PRKCE: variants seen among roughly 807,000 people sequenced by gnomAD.
The protein encoded by PRKCE is protein kinase C epsilon type.
Under a neutral mutation model 85.4 loss-of-function variants are expected in PRKCE, and 16 were observed. That is an observed-to-expected ratio of 0.19 (90% CI 0.13 to 0.28). The LOEUF (loss-of-function observed/expected upper bound fraction) is 0.28, where lower values mean the gene tolerates loss of function less well. Among genes scored for constraint, PRKCE ranks in the 10% least tolerant of loss-of-function variants. The pLI, the probability that PRKCE is intolerant of heterozygous loss-of-function variation, is 1.00. For synonymous variants in PRKCE, 388 were observed against 371.5 expected (o/e 1.04, Z -0.51); for missense variants, 573 against 975.2 (o/e 0.59, Z 5.49).
At chr2:46,105,859 A>C (rs1671665296) in intron 11 of PRKCE, among the ~76,000 whole-genome samples, 1 of 152,256 alleles carries the variant, frequency 6.6e-6, no homozygotes, top group African/African-American at 2.4e-5. Context: ...ATGACTACAT[A>C]CTGCATCATT....
At chr2:46,022,835 G>A (rs1348689642) in intron 10 of PRKCE, among the ~76,000 whole-genome samples, 1 of 152,158 alleles carries the variant, frequency 6.6e-6, no homozygotes, top group Non-Finnish European at 1.5e-5. Context: ...TGTAATCCCA[G>A]CACTTTGGGA....
intron 11 of PRKCE, among the ~76,000 whole-genome samples, chr2:46,109,750 G>A (rs568974078): frequency 6.6e-6 from 1 of 152,026 alleles, no homozygotes; most frequent in Non-Finnish European, 1.5e-5. Context: ...GAATAGGAAT[G>A]GGGGGAGAGG....
At chr2:45,831,518 A>G (rs1486231297) in intron 1 of PRKCE, among the ~76,000 whole-genome samples, 1 of 148,848 alleles carries the variant, frequency 6.7e-6, no homozygotes, top group East Asian at 1.9e-4. Context: ...AGAAATTGGC[A>G]TTTTAGGTGT....
At position 45,652,132 on chromosome 2, in the gene PRKCE, A is replaced by C; in HGVS notation, c.32A>C (p.Lys11Thr). The C allele has an allele frequency of 6.3e-7, 1 of 1,593,542 alleles. No individual in the cohort carries two copies. The highest frequency in any genetic ancestry group is 2.2e-5 in the East Asian group (1 of 44,712). The change falls in exon 1 of 15, where the codon AAA becomes ACA. Residue 11 changes from lysine (K) to threonine (T), a missense_variant. Coordinates refer to ENST00000306156, the MANE Select transcript of PRKCE (RefSeq NM_005400.3). The surrounding 1 kb of genome is among the most constrained non-coding windows in gnomAD (Gnocchi z 7.7). ...GTGTTCAATGGCCTTCTTAAGATCA[A>C]AATCTGCGAGGCCGTGAGCTTGAAG... Reference protein sequence around the residue: MVVFNGLLKIKICEAVSLKPT... With the variant: MVVFNGLLKITICEAVSLKPT...
chr2:46,131,380 G>A (rs1212938044), intron 11 of PRKCE, among the ~76,000 whole-genome samples: 1 of 151,942 alleles, frequency 6.6e-6, no homozygotes, highest in East Asian at 1.9e-4. Flanking sequence ...AAGTTCCCTG[G>A]GGGAAGTTAC....
intron 6 of PRKCE, among the ~76,000 whole-genome samples, chr2:45,997,965 A>G (rs1704355453): frequency 6.6e-6 from 1 of 152,190 alleles, no homozygotes; most frequent in South Asian, 2.1e-4. Context: ...TTTTTGAGCT[A>G]TCTTTCTCTT....
At chr2:46,081,293 G>C (rs1669051896) in intron 10 of PRKCE, among the ~76,000 whole-genome samples, 1 of 152,156 alleles carries the variant, frequency 6.6e-6, no homozygotes, top group African/African-American at 2.4e-5. Flanking sequence ...TAAATATTTA[G>C]ATCACTCTTT....
intron 1 of PRKCE, among the ~76,000 whole-genome samples, chr2:45,713,382 C>A (rs140818834): frequency 2.4e-4 from 36 of 152,160 alleles, no homozygotes; most frequent in African/African-American, 8.4e-4. Context: ...TAATGGATAG[C>A]TGTAAAGACT....
chr2:46,139,670 A>G lies in PRKCE; in HGVS notation c.1593-5423A>G, dbSNP rs942939961. On this transcript the variant is annotated intron_variant, in intron 11 of 14. Coordinates refer to ENST00000306156, the MANE Select transcript of PRKCE (RefSeq NM_005400.3). The surrounding 1 kb of genome is among the most constrained non-coding windows in gnomAD (Gnocchi z 5.2). The stretch of plus-strand genomic sequence containing the variant: ...ATATACAGAATATATAGAGGAACAT[A>G]TATATATATATGCGTATATATATGT... Among the ~76,000 whole-genome samples the G allele has an allele frequency of 2.0e-5, 3 of 149,028 alleles. No individual in the cohort carries two copies. Among genetic ancestry groups the G allele is most frequent in the Non-Finnish European group, 4.4e-5 (3 of 67,746 alleles).
chr2:45,889,193 G>C (rs1362856676), intron 2 of PRKCE, among the ~76,000 whole-genome samples: 1 of 152,164 alleles, frequency 6.6e-6, no homozygotes, highest in African/African-American at 2.4e-5. Context: ...GTTGGGGGAG[G>C]GAAACACGCT....
chr2:45,939,000 C>T (rs927893623), intron 2 of PRKCE, among the ~76,000 whole-genome samples: 75 of 152,298 alleles, frequency 4.9e-4, no homozygotes, highest in African/African-American at 1.8e-3. Flanking sequence ...GCTAATTCCA[C>T]GCTGGCTCTG....
intron 1 of PRKCE, among the ~76,000 whole-genome samples, chr2:45,666,077 T>C (rs1158500217): frequency 6.6e-6 from 1 of 152,074 alleles, no homozygotes; most frequent in Non-Finnish European, 1.5e-5. Context: ...CGCTTCCTTC[T>C]CCTCCCCTGA....
At chr2:46,013,971 A>G (rs950861016) in intron 10 of PRKCE, among the ~76,000 whole-genome samples, 2 of 152,224 alleles carry the variant, frequency 1.3e-5, no homozygotes, top group Non-Finnish European at 2.9e-5. Context: ...TCATGATGAC[A>G]TAGTCAGGTT....
intron 2 of PRKCE, among the ~76,000 whole-genome samples, chr2:45,927,791 A>G (rs974729040): frequency 2.6e-5 from 4 of 151,808 alleles, no homozygotes; most frequent in African/African-American, 9.7e-5. Flanking sequence ...GTGTGCTGAG[A>G]AAAAAAAATA....
chr2:45,708,627 T>A (rs564299966), intron 1 of PRKCE, among the ~76,000 whole-genome samples: 257 of 152,324 alleles, frequency 1.7e-3, no homozygotes, highest in Admixed American at 4.3e-3. Flanking sequence ...TTAAACCTCT[T>A]TCTTTTGTTA....
chr2:46,057,126 C>G (rs1666659654), intron 10 of PRKCE, among the ~76,000 whole-genome samples: 1 of 152,148 alleles, frequency 6.6e-6, no homozygotes, highest in African/African-American at 2.4e-5. Context: ...GCATGGTGGC[C>G]TCAGGGCAGT....
intron 10 of PRKCE, among the ~76,000 whole-genome samples, chr2:46,071,298 G>T (rs539166433): frequency 6.6e-5 from 10 of 152,334 alleles, no homozygotes; most frequent in African/African-American, 2.4e-4. Flanking sequence ...TTTGAAATTT[G>T]TTTATCATGG....
intron 11 of PRKCE, among the ~76,000 whole-genome samples, chr2:46,140,163 A>G (rs1313636491): frequency 6.6e-6 from 1 of 152,228 alleles, no homozygotes; most frequent in Non-Finnish European, 1.5e-5. Flanking sequence ...TATTCACAAT[A>G]AAGACATCAC....
At chr2:45,977,321 C>G (rs1227028947) in intron 3 of PRKCE, among the ~76,000 whole-genome samples, 1 of 151,964 alleles carries the variant, frequency 6.6e-6, no homozygotes, top group Non-Finnish European at 1.5e-5. Flanking sequence ...TATCTGATGC[C>G]TAGGATTTGT....
Sources: allele counts gnomAD v4.1 joint callset (sites outside exome capture counted in the v4.1 genomes callset), GRCh38; gene constraint gnomAD v4.1.1; non-coding constraint Gnocchi (gnomAD v3.1); transcripts MANE v1.5; gene names NCBI Gene and HGNC (gene_info 2026-07-23, HGNC 2026-07-21).